The following CATSPERB variants were observed in gnomAD, a reference collection of about 807,000 sequenced individuals.
CATSPERB encodes the protein catsper channel auxiliary subunit beta.
CATSPERB carries 93 observed loss-of-function variants against 128.3 expected under a neutral mutation model. That is an observed-to-expected ratio of 0.72 (90% CI 0.61 to 0.86). The LOEUF is 0.86. Among genes scored for constraint, CATSPERB ranks in the 40% least tolerant of loss-of-function variants. The probability of loss-of-function intolerance (pLI) is 0.00; values close to 1 mark genes in which losing one functional copy is unlikely to be tolerated. For synonymous variants in CATSPERB, 381 were observed against 448.8 expected (o/e 0.85, Z 1.91); for missense variants, 1,153 against 1,329.5 (o/e 0.87, Z 2.06).
At chr14:91,603,277 C>T in intron 22 of CATSPERB, 4 of 1,257,670 alleles carry the variant, frequency 3.2e-6, no homozygotes, top group Non-Finnish European at 4.7e-6. Context: ...TATTATTCAC[C>T]TTCTCCTGTC....
At chr14:91,706,318 T>G (rs1241640734) in intron 6 of CATSPERB, among the ~76,000 whole-genome samples, 1 of 152,144 alleles carries the variant, frequency 6.6e-6, no homozygotes, top group Non-Finnish European at 1.5e-5. Context: ...GCAGCTGACG[T>G]TGCAGGGTAT....
intron 11 of CATSPERB, among the ~76,000 whole-genome samples, chr14:91,679,567 T>C (rs1895245665): frequency 6.6e-6 from 1 of 152,184 alleles, no homozygotes; most frequent in South Asian, 2.1e-4. Flanking sequence ...ACCTCAGATT[T>C]AAAAGGGTTA....
intron 7 of CATSPERB, among the ~76,000 whole-genome samples, chr14:91,698,406 C>G (rs1196396664): frequency 1.3e-5 from 2 of 152,124 alleles, no homozygotes; most frequent in Admixed American, 1.3e-4. Flanking sequence ...CCTGATTGCT[C>G]TGGCTAGGAC....
At chr14:91,627,362 T>C (rs1402899504) in intron 17 of CATSPERB, among the ~76,000 whole-genome samples, 1 of 152,236 alleles carries the variant, frequency 6.6e-6, no homozygotes, top group Admixed American at 6.5e-5. Flanking sequence ...TTTTCCTCTA[T>C]TCTCCTTGGT....
intron 15 of CATSPERB, among the ~76,000 whole-genome samples, chr14:91,657,789 G>C (rs12878642): frequency 1.3e-5 from 2 of 151,886 alleles, no homozygotes; most frequent in Non-Finnish European, 2.9e-5. Flanking sequence ...ACTGACCATC[G>C]GTGAAATACA....
At chr14:91,726,581 C>T (rs1240397802) in intron 2 of CATSPERB, among the ~76,000 whole-genome samples, 1 of 152,214 alleles carries the variant, frequency 6.6e-6, no homozygotes, top group Non-Finnish European at 1.5e-5. Flanking sequence ...TCAAAGGTCT[C>T]TCTGAGCGGC....
chr14:91,662,505 T>C (rs1430813709), intron 14 of CATSPERB, among the ~76,000 whole-genome samples: 1 of 152,228 alleles, frequency 6.6e-6, no homozygotes, highest in Non-Finnish European at 1.5e-5. Context: ...TTACTAGCAG[T>C]ACCCATGACA....
intron 4 of CATSPERB, among the ~76,000 whole-genome samples, chr14:91,719,800 T>C (rs1895999363): frequency 2.6e-5 from 4 of 152,178 alleles, no homozygotes; most frequent in Admixed American, 1.3e-4. Context: ...TATTTACTCA[T>C]GACATGTCAG....
chr14:91,719,315 A>G, intron 5 of CATSPERB, 103 bp downstream of exon 5: 1 of 770,758 alleles, frequency 1.3e-6, no homozygotes, highest in Non-Finnish European at 2.0e-6. Context: ...TGGGGGATTT[A>G]CATGACATAA....
chr14:91,729,441 CA>C lies in CATSPERB; in HGVS notation c.38del (p.Leu13Ter), dbSNP rs1308234172. ...SPLIYVSVLL[L>X]NIFEFSSGIV... is the part of the protein sequence containing the mutation. Reference sequence around the variant, plus strand: ...TTCCTGATGAAAATTCAAATATGTTCAAAAGCAAAACTGAAACATATATAAG... The same window carrying C: ...TTCCTGATGAAAATTCAAATATGTTCAAAGCAAAACTGAAACATATATAAG... On this transcript the variant is annotated frameshift_variant, in exon 2 of 27. Coordinates refer to ENST00000256343, the MANE Select transcript of CATSPERB (RefSeq NM_024764.4). LOFTEE classifies it high-confidence loss of function. 2.0e-6 allele frequency: 3 copies of C among 1,534,674 alleles called. No individual in the cohort carries two copies. The highest frequency in any genetic ancestry group is 2.7e-6 in the Non-Finnish European group (3 of 1,117,036).
rs575391675 is a variant in CATSPERB, at chr14:91,609,808, C to T, written c.2598+672G>A. On this transcript the variant is annotated intron_variant, in intron 21 of 26. Coordinates refer to ENST00000256343, the MANE Select transcript of CATSPERB (RefSeq NM_024764.4). The stretch of plus-strand genomic sequence containing the variant: ...GGCTGGAGTGCAGTGGCACCATCTC[C>T]GCTCACTGCAACCCCTGCCTCCCAG... 5.3e-5 allele frequency among the ~76,000 whole-genome samples: 8 copies of T among 152,230 alleles called. 2 individuals are homozygous for T. In the Middle Eastern group the frequency reaches 0.01, roughly 194 times the overall value.
intron 14 of CATSPERB, among the ~76,000 whole-genome samples, chr14:91,669,579 A>G (rs969357254): frequency 6.6e-6 from 1 of 152,254 alleles, no homozygotes; most frequent in African/African-American, 2.4e-5. Flanking sequence ...GCAACATTCA[A>G]GCTAACTCTG....
intron 26 of CATSPERB, 102 bp downstream of exon 26, chr14:91,587,100 C>T: frequency 1.1e-6 from 1 of 878,376 alleles, no homozygotes; most frequent in South Asian, 1.8e-5. Context: ...TTGTCCATCA[C>T]ACAAATTCTG....
At chr14:91,649,397 C>T (rs1030448747) in intron 15 of CATSPERB, among the ~76,000 whole-genome samples, 1 of 151,646 alleles carries the variant, frequency 6.6e-6, no homozygotes, top group Non-Finnish European at 1.5e-5. Flanking sequence ...TGAACTCCTG[C>T]GCTCAAGTGA....
At chr14:91,633,420 T>TAA (rs758731148) in intron 17 of CATSPERB, among the ~76,000 whole-genome samples, 1 of 146,264 alleles carries the variant, frequency 6.8e-6, no homozygotes, top group Non-Finnish European at 1.5e-5. Context: ...TCCAGAAAAT[T>TAA]AAAAAAAAAA....
intron 16 of CATSPERB, among the ~76,000 whole-genome samples, chr14:91,637,925 C>A (rs1336854405): frequency 6.6e-6 from 1 of 152,008 alleles, no homozygotes; most frequent in East Asian, 1.9e-4. Flanking sequence ...TCACATCATT[C>A]GCTTTGTATA....
At chr14:91,590,643 T>G (rs79778603) in intron 23 of CATSPERB, among the ~76,000 whole-genome samples, 103,862 of 150,328 alleles carry the variant, frequency 0.69, 36,330 homozygotes, top group East Asian at 0.96. Context: ...GATGTCTTTT[T>G]TTGTTTGTTT....
intron 20 of CATSPERB, 136 bp downstream of exon 20, chr14:91,617,461 C>G (rs1595148785): frequency 1.9e-6 from 1 of 529,546 alleles, no homozygotes; most frequent in South Asian, 3.5e-5. Context: ...ATGTATTTAT[C>G]CTTGTAACCC....
rs115894434 is a variant in CATSPERB at position 91,611,239 on chromosome 14, A to G, written c.2401-562T>C. On this transcript the variant is annotated intron_variant, in intron 20 of 26. Coordinates refer to ENST00000256343, the MANE Select transcript of CATSPERB (RefSeq NM_024764.4). ...GTTTGAGAATAAATCATAATAGAAA[A>G]CATATTCTTTTCCAGGAAGAAATAT... is the stretch of plus-strand genomic sequence containing the variant. Among the ~76,000 whole-genome samples, 371 of 152,340 alleles carry G rather than the reference A, an allele frequency of 2.4e-3. 2 individuals are homozygous for G. The highest frequency in any genetic ancestry group is 8.6e-3 in the African/African-American group (356 of 41,588).
Sources: allele counts gnomAD v4.1 joint callset (sites outside exome capture counted in the v4.1 genomes callset), GRCh38; gene constraint gnomAD v4.1.1; transcripts MANE v1.5; gene names NCBI Gene and HGNC (gene_info 2026-07-23, HGNC 2026-07-21).